DNAH14: variants seen among roughly 807,000 people sequenced by gnomAD.
DNAH14 encodes axonemal beta dynein heavy chain 14.
A neutral mutation model predicts 520.9 loss-of-function variants in DNAH14; 478 were observed. That is an observed-to-expected ratio of 0.92 (90% CI 0.85 to 0.99). The LOEUF (loss-of-function observed/expected upper bound fraction) is 0.99. Ranked by LOEUF, DNAH14 falls within the 50% of genes least tolerant of loss-of-function variation. The pLI is 0.00. For synonymous variants in DNAH14, 1,581 were observed against 1,757.2 expected, an observed-to-expected ratio of 0.90 and a Z score of 2.51; for missense variants, 4,831 against 5,234.5, an observed-to-expected ratio of 0.92 and a Z score of 2.38.
intron 36 of DNAH14, among the ~76,000 whole-genome samples, chr1:225,173,908 C>T (rs2083004969): frequency 6.6e-6 from 1 of 152,216 alleles, no homozygotes; most frequent in African/African-American, 2.4e-5. Flanking sequence ...GGCACATATA[C>T]ACCATGGAAT....
At chr1:225,024,153 A>T (rs2065920637) in intron 11 of DNAH14, 2 of 992,494 alleles carry the variant, frequency 2.0e-6, no homozygotes, top group Middle Eastern at 4.7e-4. Context: ...TGAAATTCAG[A>T]TTTCTCTGAT....
In DNAH14 at chr1:225,272,046, CAT is replaced by C; in HGVS notation, c.7813_7814del (p.Met2605ValfsTer2). The C allele has an allele frequency of 6.5e-7, 1 of 1,549,838 alleles. No individual in the cohort carries two copies. Among genetic ancestry groups the C allele is most frequent in the East Asian group, 2.5e-5 (1 of 40,776 alleles). On this transcript the variant is annotated frameshift_variant, in exon 51 of 86. Transcript: ENST00000682510. LOFTEE classifies it high-confidence loss of function. ...MLPTPTKCHY[M>X]FNLRDMFKLL... ...TACCAACTCCAACAAAATGTCACTA[CAT>C]GTTTAATCTTCGAGATATGTTTAAG...
intron 17 of DNAH14, among the ~76,000 whole-genome samples, chr1:225,073,600 C>T (rs1284824026): frequency 9.9e-5 from 15 of 151,662 alleles, no homozygotes; most frequent in Non-Finnish European, 1.0e-4. Context: ...GATGGCGGCC[C>T]GCTCCTCCCT....
chr1:224,947,042 C>T (rs771898148), intron 1 of DNAH14, among the ~76,000 whole-genome samples: 2 of 151,480 alleles, frequency 1.3e-5, no homozygotes, highest in Non-Finnish European at 2.9e-5. Flanking sequence ...CTCAGCCTCC[C>T]GAGTAGCTGG....
In DNAH14 at chr1:225,181,217, C is replaced by G. The variant is rs558393120; in HGVS notation, c.5536-4074C>G. Among the ~76,000 whole-genome samples the G allele has an allele frequency of 2.0e-5, 3 of 152,234 alleles. No individual in the cohort carries two copies. In the East Asian group the frequency reaches 5.8e-4, roughly 29 times the overall value. On this transcript the variant is annotated intron_variant, in intron 36 of 85. Coordinates refer to ENST00000682510, the MANE Select transcript of DNAH14 (RefSeq NM_001367479.1). ...TGTATATTTGTGACATTTTCTTGAT[C>G]CAGTCCACCGTTAATGGGCACCTAG...
At chr1:225,184,696 C>A (rs532834910) in intron 36 of DNAH14, among the ~76,000 whole-genome samples, 44 of 151,366 alleles carry the variant, frequency 2.9e-4, no homozygotes, top group African/African-American at 1.1e-3. Flanking sequence ...AATCCAACAT[C>A]CCTTTTTGAT....
chr1:225,012,096 T>C (rs531915738), intron 10 of DNAH14, among the ~76,000 whole-genome samples: 13 of 152,304 alleles, frequency 8.5e-5, no homozygotes, highest in African/African-American at 3.1e-4. Flanking sequence ...TACCGGTTTT[T>C]CCTTTCCATA....
intron 36 of DNAH14, among the ~76,000 whole-genome samples, chr1:225,178,149 A>G (rs1393593425): frequency 3.9e-5 from 6 of 152,136 alleles, no homozygotes; most frequent in Admixed American, 3.9e-4. Flanking sequence ...TGCATTTCGG[A>G]CTTACATGAG....
chr1:224,943,068 C>T (rs1479843779), intron 1 of DNAH14, among the ~76,000 whole-genome samples: 1 of 152,190 alleles, frequency 6.6e-6, no homozygotes, highest in African/African-American at 2.4e-5. Context: ...GAAATAGTTT[C>T]AGAAGGAATG....
chr1:225,006,474 C>G (rs1352805973), intron 9 of DNAH14, among the ~76,000 whole-genome samples: 2 of 152,024 alleles, frequency 1.3e-5, no homozygotes, highest in East Asian at 3.9e-4. Context: ...AAGGAATAAC[C>G]CTGGGAAGGG....
rs550254307 is a variant in DNAH14, at chr1:225,159,366, G to C, written c.5326G>C (p.Ala1776Pro). 2 of 1,551,566 alleles carry C rather than the reference G, an allele frequency of 1.3e-6. No individual in the cohort carries two copies. The highest frequency in any genetic ancestry group is 2.0e-5 in the Admixed American group (1 of 50,944). Residue 1776 changes from alanine to proline, a missense_variant, in exon 35 of 86, where the codon GCT (alanine) becomes CCT (proline). Transcript: ENST00000682510. ...EADETLIVIE[A>P]IREASLPKCP... ...AGATGAAACCTTGATTGTTATCGAG[G>C]CTATAAGAGAAGCTAGTTTGCCAAA...
chr1:225,340,576 T>C lies in DNAH14; in HGVS notation c.10553T>C (p.Val3518Ala). Residue 3518 changes from valine to alanine, a missense_variant, in exon 69 of 86, where the codon GTG becomes GCG. Physicochemically the swap from Val to Ala is moderately conservative, Grantham distance 64. Transcript: ENST00000682510. Reference sequence around the variant, plus strand: ...TTGCAAGATCAACTCTTGTCTACTGTGGTAACTCATGAAGTTCCTCATTTA... The same window carrying C: ...TTGCAAGATCAACTCTTGTCTACTGCGGTAACTCATGAAGTTCCTCATTTA... ...QGLQDQLLST[V>A]VTHEVPHLED... 1 of 1,551,482 alleles carries C rather than the reference T, an allele frequency of 6.4e-7. No individual in the cohort carries two copies. The highest frequency in any genetic ancestry group is 1.2e-5 in the South Asian group (1 of 84,058).
intron 11 of DNAH14, among the ~76,000 whole-genome samples, chr1:225,035,593 T>C (rs944225097): frequency 6.6e-6 from 1 of 152,172 alleles, no homozygotes; most frequent in Non-Finnish European, 1.5e-5. Flanking sequence ...GGGTATGTTA[T>C]GTTGGTTGAT....
rs540333198 is a variant in DNAH14, at chr1:225,195,351, G to A, written c.5886+2440G>A. 1.2e-4 allele frequency among the ~76,000 whole-genome samples: 18 copies of A among 152,116 alleles called. No individual in the cohort carries two copies. The South Asian group carries it at 3.7e-3, about 32-fold the overall frequency. ...CCGTAAGAATGAGATCATGTCCTTT[G>A]CAGCAATATGGATGGAGCCGGAGGC... On this transcript the variant is annotated intron_variant, in intron 38 of 85. Transcript: ENST00000682510.
intron 42 of DNAH14, among the ~76,000 whole-genome samples, chr1:225,238,372 G>A (rs1199375604): frequency 2.0e-5 from 3 of 151,866 alleles, no homozygotes; most frequent in African/African-American, 7.3e-5. Flanking sequence ...TTTTCCATAG[G>A]GCAGCTGCAG....
intron 60 of DNAH14, among the ~76,000 whole-genome samples, chr1:225,316,071 G>T (rs2094462426): frequency 6.6e-6 from 1 of 152,266 alleles, no homozygotes; most frequent in South Asian, 2.1e-4. Context: ...TATCTAGAGA[G>T]AGAGTCTGGC....
intron 8 of DNAH14, among the ~76,000 whole-genome samples, chr1:224,990,134 A>G (rs972470768): frequency 2.6e-5 from 4 of 151,704 alleles, no homozygotes; most frequent in Non-Finnish European, 5.9e-5. Context: ...ATTGGTGTCA[A>G]TGTTTCTTTT....
chr1:225,153,498 G>A (rs1377618171), intron 33 of DNAH14, among the ~76,000 whole-genome samples: 3 of 152,076 alleles, frequency 2.0e-5, no homozygotes, highest in Non-Finnish European at 4.4e-5. Context: ...CTAGTTCAGA[G>A]AAAACTTAAT....
intron 60 of DNAH14, among the ~76,000 whole-genome samples, chr1:225,309,614 G>A (rs1168777195): frequency 6.6e-6 from 1 of 152,212 alleles, no homozygotes; most frequent in Non-Finnish European, 1.5e-5. Context: ...TGAGTAAGGG[G>A]CCGAGCGGGG....
Sources: gnomAD v4.1 joint callset for allele counts (sites outside exome capture counted in the v4.1 genomes callset) on GRCh38, gnomAD v4.1.1 for gene constraint, MANE v1.5 for transcripts, NCBI Gene and HGNC (gene_info 2026-07-23, HGNC 2026-07-21) for gene names.